NSD1: variants seen among roughly 807,000 people sequenced by gnomAD.
NSD1 encodes nuclear receptor binding SET domain protein 1.
Under a neutral mutation model 242.7 loss-of-function variants are expected in NSD1, and 26 were observed. That is an observed-to-expected ratio of 0.11 (90% CI 0.08 to 0.15). NSD1 has a LOEUF of 0.15. NSD1 is among the 10% of genes least tolerant of loss of function. NSD1 has a pLI of 1.00. For synonymous variants in NSD1, 1,106 were observed against 1,178.1 expected (o/e 0.94, Z 1.25); for missense variants, 2,495 against 3,272.8 (o/e 0.76, Z 5.80).
rs1324486289 is a variant in NSD1 at position 177,134,773 on chromosome 5, C to G, written c.-17-314C>G. On this transcript the variant is annotated intron_variant, in intron 1 of 22. Transcript: ENST00000439151. The surrounding 1 kb of genome is among the most constrained non-coding windows in gnomAD (Gnocchi z 4.2). Reference sequence around the variant, plus strand: ...TGGCGAGGGAGGGGGAGGACTAGTCCTGTTTGAGAATTGGGAATTTTGACG... The same window carrying G: ...TGGCGAGGGAGGGGGAGGACTAGTCGTGTTTGAGAATTGGGAATTTTGACG... Among the ~76,000 whole-genome samples the G allele has an allele frequency of 2.0e-5, 3 of 152,160 alleles. No homozygotes were observed. Among genetic ancestry groups the G allele is most frequent in the African/African-American group, 7.2e-5 (3 of 41,450 alleles).
chr5:177,211,050 C>T lies in NSD1; in HGVS notation c.2651C>T (p.Pro884Leu). Residue 884 changes from proline (P) to leucine (L), a missense_variant, in exon 5 of 23, where the codon CCA becomes CTA. By Grantham distance (98) the Pro-to-Leu change is moderately conservative. This residue lies in a region of NSD1 where 121 missense variants were observed against 167.2 expected (regional missense o/e 0.72). Transcript: ENST00000439151. ...GTCAGTGACTCTGGAACATCAAAGC[C>T]ATCAAAACCATTACTTTTCTCTTCT... ...EDVSDSGTSK[P>L]SKPLLFSSAS... 6.2e-7 allele frequency: 1 copy of T among 1,614,156 alleles called. No homozygotes were observed. Among genetic ancestry groups the T allele is most frequent in the South Asian group, 1.1e-5 (1 of 91,070 alleles).
At chr5:177,159,796 T>G (rs1179416215) in intron 2 of NSD1, among the ~76,000 whole-genome samples, 3 of 152,008 alleles carry the variant, frequency 2.0e-5, no homozygotes, top group Admixed American at 6.6e-5. Flanking sequence ...TTCTCCGTGT[T>G]GAGACTGGTC....
intron 2 of NSD1, among the ~76,000 whole-genome samples, chr5:177,160,292 GTT>G (rs913853992): frequency 6.6e-6 from 1 of 150,604 alleles, no homozygotes; most frequent in East Asian, 1.9e-4. Context: ...TTTTTAATGT[GTT>G]TTTTTTTCTT....
At chr5:177,225,497 A>G (rs938250212) in intron 5 of NSD1, among the ~76,000 whole-genome samples, 2 of 152,112 alleles carry the variant, frequency 1.3e-5, no homozygotes, top group Non-Finnish European at 1.5e-5. Context: ...TGAACGTGAC[A>G]GGTAGTTTCT....
rs748314509 is a variant in NSD1, at chr5:177,294,732, T to C, written c.7364T>C (p.Val2455Ala). Reference protein sequence around the residue: ...NTQSKNRAALVMDLIDLTPRQ... With the variant: ...NTQSKNRAALAMDLIDLTPRQ... ...CAGTCAAAAAATAGAGCTGCTTTGGTGATGGATCTCATAGACCTAACTCCT... is the reference window on the plus strand; with the variant it reads ...CAGTCAAAAAATAGAGCTGCTTTGGCGATGGATCTCATAGACCTAACTCCT... The change falls in exon 23 of 23, where the codon GTG becomes GCG. Residue 2455 changes from valine to alanine, a missense_variant. Transcript: ENST00000439151. 1.9e-5 allele frequency: 30 copies of C among 1,614,084 alleles called. No homozygotes were observed. The highest frequency in any genetic ancestry group is 2.5e-5 in the Non-Finnish European group (30 of 1,180,034).
At chr5:177,149,332 C>T (rs555710835) in intron 2 of NSD1, among the ~76,000 whole-genome samples, 56 of 151,780 alleles carry the variant, frequency 3.7e-4, no homozygotes, top group African/African-American at 1.3e-3. Flanking sequence ...AATTCTCGTG[C>T]GTCAGCCTCT....
intron 3 of NSD1, among the ~76,000 whole-genome samples, chr5:177,203,588 A>C (rs2149835461): frequency 6.6e-6 from 1 of 152,266 alleles, no homozygotes; most frequent in South Asian, 2.1e-4. Flanking sequence ...GTGGGGAGGA[A>C]TCCATGCAAA....
At chr5:177,146,205 G>GTTT (rs34454786) in intron 2 of NSD1, among the ~76,000 whole-genome samples, 12 of 115,008 alleles carry the variant, frequency 1.0e-4, no homozygotes, top group South Asian at 2.9e-4. Flanking sequence ...TTCACCAATC[G>GTTT]TTTTTTTTTT....
At chr5:177,260,932 A>G (rs1446930488) in intron 14 of NSD1, among the ~76,000 whole-genome samples, 1 of 152,236 alleles carries the variant, frequency 6.6e-6, no homozygotes, top group Non-Finnish European at 1.5e-5. Flanking sequence ...AAGCAATTTT[A>G]TACAAATTAA....
At chr5:177,248,851 T>G (rs1755665512) in intron 11 of NSD1, among the ~76,000 whole-genome samples, 1 of 152,206 alleles carries the variant, frequency 6.6e-6, no homozygotes, top group Non-Finnish European at 1.5e-5. Flanking sequence ...ATAAGTAGAG[T>G]TCTATGATTA....
rs575033686 is a variant in NSD1, at chr5:177,248,088, T to G, written c.4498-93T>G. The G allele has an allele frequency of 7.6e-6, 12 of 1,571,300 alleles. No individual in the cohort carries two copies. In the African/African-American group the frequency reaches 1.6e-4, roughly 21 times the overall value. On this transcript the variant is annotated intron_variant, in intron 10 of 22. Transcript: ENST00000439151. ...TGATTGGCTGAACATCTGTAAGTGC[T>G]TAATGGCTAGACAAATAGCAGCCCA...
In NSD1 at chr5:177,299,819, T is replaced by G. The variant is rs536849961; in HGVS notation, c.*4360T>G. The G allele has an allele frequency of 1.0e-4, 24 of 233,304 alleles. No individual in the cohort carries two copies. In the South Asian group the frequency reaches 3.6e-3, roughly 35 times the overall value. 14.5% of individuals were successfully genotyped at this position (233,304 alleles called of 1,614,324 possible). Reference sequence around the variant, plus strand: ...GAGTAGAAGCAGAAATAAATGGTTCTATGTTTTCAACTTCCAGGGTTGGGG... The same window carrying G: ...GAGTAGAAGCAGAAATAAATGGTTCGATGTTTTCAACTTCCAGGGTTGGGG... On this transcript the variant is annotated 3_prime_UTR_variant, in exon 23 of 23. Transcript: ENST00000439151.
intron 3 of NSD1, among the ~76,000 whole-genome samples, chr5:177,203,561 A>G (rs1762653085): frequency 6.6e-6 from 1 of 152,128 alleles, no homozygotes; most frequent in Admixed American, 6.6e-5. Context: ...ACCATACATT[A>G]TTTTGGGGGT....
At chr5:177,232,791 A>G (rs1016304064) in intron 5 of NSD1, among the ~76,000 whole-genome samples, 10 of 152,224 alleles carry the variant, frequency 6.6e-5, no homozygotes, top group Admixed American at 6.5e-4. Context: ...ATATCCCCAT[A>G]GATTAGAGTA....
chr5:177,186,060 TATA>T (rs1328634378), intron 2 of NSD1, among the ~76,000 whole-genome samples: 5 of 100,868 alleles, frequency 5.0e-5, no homozygotes, highest in Non-Finnish European at 8.6e-5. Context: ...TAATATAACA[TATA>T]ATATATGTTA....
chr5:177,242,488 G>A (rs2149892825), intron 8 of NSD1, among the ~76,000 whole-genome samples: 1 of 148,778 alleles, frequency 6.7e-6, no homozygotes, highest in South Asian at 2.1e-4. Flanking sequence ...CCAAACATTA[G>A]GAACTCTACA....
At position 177,135,828 on chromosome 5, in the gene NSD1, A is replaced by G. The variant is rs763286595; in HGVS notation, c.725A>G (p.Asn242Ser). 6.2e-7 allele frequency: 1 copy of G among 1,607,872 alleles called. No individual in the cohort carries two copies. Among genetic ancestry groups the G allele is most frequent in the Non-Finnish European group, 8.5e-7 (1 of 1,175,524 alleles). Reference protein sequence around the residue: ...QTETQKNKQRNEVDGSNEKAA... With the variant: ...QTETQKNKQRSEVDGSNEKAA... ...GAAACACAGAAAAATAAGCAAAGAA[A>G]TGAAGTGGACGGCAGCAATGAAAAA... Residue 242 changes from asparagine (N) to serine (S), a missense_variant, in exon 2 of 23, where the codon AAT becomes AGT. By Grantham distance (46) the Asn-to-Ser change is conservative. Coordinates refer to ENST00000439151, the MANE Select transcript of NSD1 (RefSeq NM_022455.5).
intron 2 of NSD1, among the ~76,000 whole-genome samples, chr5:177,147,671 C>T (rs981333293): frequency 6.6e-6 from 1 of 151,638 alleles, no homozygotes; most frequent in African/African-American, 2.4e-5. Context: ...CTCACTGCAA[C>T]CTCCGCCTCC....
intron 2 of NSD1, among the ~76,000 whole-genome samples, chr5:177,189,125 T>G (rs1761475902): frequency 6.6e-6 from 1 of 152,196 alleles, no homozygotes; most frequent in African/African-American, 2.4e-5. Flanking sequence ...GGAAATTACT[T>G]TGAATTATTT....
Sources: gnomAD v4.1 joint callset for allele counts (sites outside exome capture counted in the v4.1 genomes callset) on GRCh38, gnomAD v4.1.1 for gene constraint, gnomAD v4.1.1 regional missense constraint, Gnocchi (gnomAD v3.1) non-coding constraint, MANE v1.5 for transcripts, NCBI Gene and HGNC (gene_info 2026-07-23, HGNC 2026-07-21) for gene names.